BCAS3: variants seen among roughly 807,000 people sequenced by gnomAD.
BCAS3 encodes the protein BCAS3 microtubule associated cell migration factor.
In BCAS3, 53 loss-of-function variants were observed where a neutral mutation model predicts 116.1. The ratio of observed to expected loss-of-function variants is 0.46; its 90% confidence interval spans 0.37 to 0.57. BCAS3 has a LOEUF of 0.57. Among genes scored for constraint, BCAS3 ranks in the 20% least tolerant of loss-of-function variants. The probability of loss-of-function intolerance (pLI) is 0.00; values close to 1 mark genes in which losing one functional copy is unlikely to be tolerated. For synonymous variants in BCAS3, 391 were observed against 408.2 expected, an observed-to-expected ratio of 0.96 and a Z score of 0.51; for missense variants, 917 against 1,165.4, an observed-to-expected ratio of 0.79 and a Z score of 3.10.
chr17:61,175,517 T>G (rs921517862), intron 22 of BCAS3, among the ~76,000 whole-genome samples: 13 of 152,236 alleles, frequency 8.5e-5, no homozygotes, highest in African/African-American at 3.1e-4. Flanking sequence ...ACTCCATGTT[T>G]TTATCTTAGC....
At position 61,056,573 on chromosome 17, in the gene BCAS3, C is replaced by T. The variant is rs1012488029; in HGVS notation, c.2029+15681C>T. Among the ~76,000 whole-genome samples the T allele has an allele frequency of 2.0e-5, 3 of 151,680 alleles. No homozygotes were observed. The highest frequency in any genetic ancestry group is 3.9e-4 in the East Asian group (2 of 5,192). On this transcript the variant is annotated intron_variant, in intron 19 of 23. Coordinates refer to ENST00000407086, the MANE Select transcript of BCAS3 (RefSeq NM_017679.5). The surrounding 1 kb of genome is among the most constrained non-coding windows in gnomAD (Gnocchi z 4.9). ...AGATGCAGGCTTTGTATTAACAAAGCCCTATTCCCCTTAGAACTTACTGAT... is the reference window on the plus strand; with the variant it reads ...AGATGCAGGCTTTGTATTAACAAAGTCCTATTCCCCTTAGAACTTACTGAT...
intron 6 of BCAS3, among the ~76,000 whole-genome samples, chr17:60,793,222 G>C (rs2046928724): frequency 6.6e-6 from 1 of 151,712 alleles, no homozygotes; most frequent in South Asian, 2.1e-4. Context: ...TCAGCCTCCC[G>C]AGTAGCTGGG....
chr17:61,293,716 G>A (rs916212099), intron 22 of BCAS3, among the ~76,000 whole-genome samples: 20 of 152,292 alleles, frequency 1.3e-4, no homozygotes, highest in African/African-American at 4.1e-4. Context: ...ACTATATAGG[G>A]TCATATCCTT....
chr17:61,308,491 A>G (rs2054033760), intron 22 of BCAS3, among the ~76,000 whole-genome samples: 1 of 151,628 alleles, frequency 6.6e-6, no homozygotes, highest in South Asian at 2.1e-4. Flanking sequence ...CATGCTTACA[A>G]ATGTTGAGAA....
intron 5 of BCAS3, among the ~76,000 whole-genome samples, chr17:60,734,016 T>G (rs1432238993): frequency 6.6e-6 from 1 of 152,232 alleles, no homozygotes; most frequent in Non-Finnish European, 1.5e-5. Flanking sequence ...TTTAACCAAG[T>G]CTAGCTTATT....
intron 5 of BCAS3, among the ~76,000 whole-genome samples, chr17:60,722,335 A>G (rs186034738): frequency 3.9e-4 from 59 of 152,278 alleles, no homozygotes; most frequent in South Asian, 2.9e-3. Context: ...GTTTTTGCCA[A>G]CTTTGTACTC....
At position 61,370,277 on chromosome 17, in the gene BCAS3, T is replaced by C. The variant is rs149514302; in HGVS notation, c.2593+1783T>C. Among the ~76,000 whole-genome samples the C allele has an allele frequency of 2.2e-3, 339 of 152,010 alleles. 1 individual carries two copies. Among genetic ancestry groups the C allele is most frequent in the African/African-American group, 7.8e-3 (323 of 41,518 alleles). ...TCAGAAAATAGGAGACTCCCTTTTT[T>C]TTTTTTTAGCAGAGGGATTTCATTG... On this transcript the variant is annotated intron_variant, in intron 23 of 23. Coordinates refer to ENST00000407086, the MANE Select transcript of BCAS3 (RefSeq NM_017679.5).
intron 7 of BCAS3, among the ~76,000 whole-genome samples, chr17:60,864,591 C>T (rs1282068071): frequency 2.0e-5 from 3 of 152,206 alleles, no homozygotes; most frequent in African/African-American, 7.2e-5. Context: ...CTAAAACTTT[C>T]TCCATATCGG....
chr17:60,706,783 C>A (rs1367078252), intron 4 of BCAS3, among the ~76,000 whole-genome samples: 4 of 144,220 alleles, frequency 2.8e-5, no homozygotes, highest in Non-Finnish European at 2.9e-5. Context: ...AACAAAACAA[C>A]CCCAAAAACT....
At chr17:61,386,041 G>A (rs1256395809) in intron 23 of BCAS3, among the ~76,000 whole-genome samples, 1 of 152,208 alleles carries the variant, frequency 6.6e-6, no homozygotes, top group Non-Finnish European at 1.5e-5. Context: ...TAATCCGATT[G>A]CAGCAATAAT....
At position 61,386,551 on chromosome 17, in the gene BCAS3, A is replaced by G. The variant is rs140948031; in HGVS notation, c.2594-5426A>G. ...ACGCTGCTCCTTTTGTGGTGACGGA[A>G]GTGCCAGAGCTGCCCAAAGGGTGAA... On this transcript the variant is annotated intron_variant, in intron 23 of 23. Transcript: ENST00000407086. Among the ~76,000 whole-genome samples, 953 of 152,312 alleles carry G rather than the reference A, an allele frequency of 6.3e-3. 10 individuals carry two copies. The highest frequency in any genetic ancestry group is 0.022 in the African/African-American group (900 of 41,566).
intron 7 of BCAS3, among the ~76,000 whole-genome samples, chr17:60,852,128 C>T (rs2053225018): frequency 6.6e-6 from 1 of 151,114 alleles, no homozygotes; most frequent in Non-Finnish European, 1.5e-5. Context: ...TACTTCTATT[C>T]CCGTGGTTTT....
chr17:61,360,328 C>T (rs1005768426), intron 22 of BCAS3, among the ~76,000 whole-genome samples: 2 of 152,202 alleles, frequency 1.3e-5, no homozygotes, highest in Non-Finnish European at 2.9e-5. Flanking sequence ...TACAGTCTTT[C>T]ATAATACTAT....
intron 23 of BCAS3, among the ~76,000 whole-genome samples, chr17:61,386,799 T>G (rs112504707): frequency 0.097 from 1,905 of 19,658 alleles, 40 homozygotes; most frequent in Middle Eastern, 0.14. Context: ...GTTTTTTGTT[T>G]TTTTTTTTTT....
chr17:61,304,274 A>T (rs1045526929), intron 22 of BCAS3, among the ~76,000 whole-genome samples: 1 of 152,124 alleles, frequency 6.6e-6, no homozygotes, highest in Admixed American at 6.5e-5. Context: ...GTCACTACCC[A>T]TCTAAAGTTG....
Position 60,993,318 on chromosome 17 carries a change from C to T in BCAS3, c.1486+3083C>T, listed in dbSNP as rs2063647638. Among the ~76,000 whole-genome samples the T allele has an allele frequency of 6.6e-6, 1 of 152,156 alleles. No individual in the cohort carries two copies. Among genetic ancestry groups the T allele is most frequent in the Admixed American group, 6.5e-5 (1 of 15,278 alleles). On this transcript the variant is annotated intron_variant, in intron 15 of 23. Coordinates refer to ENST00000407086, the MANE Select transcript of BCAS3 (RefSeq NM_017679.5). The surrounding 1 kb of genome is among the most constrained non-coding windows in gnomAD (Gnocchi z 4.2). ...GAGCAATACTACTAGATTTCCAAGT[C>T]AAAATATATTGTTTTCTCTCAGCTT...
rs1020154916 is a variant in BCAS3 at position 61,027,660 on chromosome 17, G to C, written c.1638-7006G>C. The stretch of plus-strand genomic sequence containing the variant: ...TTAATGGTTAAGAGTCAGACTGCCT[G>C]GGTCTTAGATCCCAATTGACACACT... On this transcript the variant is annotated intron_variant, in intron 16 of 23. Transcript: ENST00000407086. Among the ~76,000 whole-genome samples, 7 of 151,820 alleles carry C rather than the reference G, an allele frequency of 4.6e-5. No individual in the cohort carries two copies. In the South Asian group the frequency reaches 1.5e-3, roughly 31 times the overall value.
chr17:61,143,524 A>G (rs1174060488), intron 22 of BCAS3, among the ~76,000 whole-genome samples: 1 of 152,192 alleles, frequency 6.6e-6, no homozygotes, highest in Admixed American at 6.5e-5. Context: ...CTAAAATATA[A>G]GTGGGCCAGG....
intron 14 of BCAS3, among the ~76,000 whole-genome samples, chr17:60,984,692 A>G (rs1233290599): frequency 6.6e-6 from 1 of 152,082 alleles, no homozygotes; most frequent in Non-Finnish European, 1.5e-5. Flanking sequence ...GTAGGTAGTT[A>G]TATATATTTG....
Sources: allele counts gnomAD v4.1 joint callset (sites outside exome capture counted in the v4.1 genomes callset), GRCh38; gene constraint gnomAD v4.1.1; non-coding constraint Gnocchi (gnomAD v3.1); transcripts MANE v1.5; gene names NCBI Gene and HGNC (gene_info 2026-07-23, HGNC 2026-07-21).